The following LAMA5 variants were observed in gnomAD, a reference collection of about 807,000 sequenced individuals.
LAMA5 encodes the protein laminin subunit alpha-5.
In LAMA5, 260 loss-of-function variants were observed where a neutral mutation model predicts 433.4. That is an observed-to-expected ratio of 0.60 (90% CI 0.54 to 0.66). The LOEUF is 0.66. Ranked by LOEUF, LAMA5 falls within the 30% of genes least tolerant of loss-of-function variation. The probability of loss-of-function intolerance (pLI) is 0.00; values close to 1 mark genes in which losing one functional copy is unlikely to be tolerated. For missense variants in LAMA5, 5,378 were observed against 5,258.5 expected (o/e 1.02, Z -0.70); for synonymous variants, 2,620 against 2,226.6 (o/e 1.18, Z -4.97).
Position 62,318,846 on chromosome 20 carries a change from T to C in LAMA5, c.7039A>G (p.Arg2347Gly), listed in dbSNP as rs111438443. 11 of 1,609,890 alleles carry C rather than the reference T, an allele frequency of 6.8e-6. No individual in the cohort carries two copies. The highest frequency in any genetic ancestry group is 1.6e-4 in the Middle Eastern group (1 of 6,074). The change falls in exon 52 of 80, where the codon AGA (arginine) becomes GGA (glycine). Residue 2347 changes from arginine to glycine, a missense_variant. By Grantham distance (125) the Arg-to-Gly change is moderately radical. Coordinates refer to ENST00000252999, the MANE Select transcript of LAMA5 (RefSeq NM_005560.6). ...TGCCAGGGACAACACCACTCACATC[T>C]CTGTGCTGCAGCCAACTCAGCCTCA... ...AAEAELAAAQ[R>G]LLARVQEQLS...
Position 62,325,453 on chromosome 20 carries a change from G to A in LAMA5, c.5392C>T (p.Leu1798Phe), listed in dbSNP as rs985037612. Residue 1798 changes from leucine to phenylalanine, a missense_variant, in exon 41 of 80, where the codon CTC (leucine) becomes TTC (phenylalanine). Leu to Phe is a conservative substitution (Grantham distance 22). Transcript: ENST00000252999. ...ASLEQLQIRA[L>F]FSQISSAVFL... ...ACAGCCGAGGAGATCTGTGAGAAGA[G>A]GGCACGGATCTGCAGCTGCTCCAGG... The A allele has an allele frequency of 2.5e-6, 4 of 1,612,404 alleles. No individual in the cohort carries two copies. In the South Asian group the frequency reaches 3.3e-5, roughly 13 times the overall value.
intron 4 of LAMA5, 48 bp downstream of exon 4, chr20:62,352,194 C>T: frequency 6.4e-7 from 1 of 1,565,552 alleles, no homozygotes; most frequent in South Asian, 1.1e-5. Context: ...CCCCTACCCA[C>T]CTCTCCGTTC....
At position 62,326,739 on chromosome 20, in the gene LAMA5, A is replaced by T; in HGVS notation, c.5236T>A (p.Phe1746Ile). ...GGCGTGGGGTATGCCGGCTCCAGGA[A>T]TGTGATGCTCATCTGGTTGCCCTGG... The part of the protein sequence containing the change: ...VLQGNQMSIT[F>I]LEPAYPTPGH... The change falls in exon 40 of 80, where the codon TTC (phenylalanine) becomes ATC (isoleucine). Residue 1746 changes from phenylalanine to isoleucine, a missense_variant. Coordinates refer to ENST00000252999, the MANE Select transcript of LAMA5 (RefSeq NM_005560.6). The T allele has an allele frequency of 3.7e-6, 6 of 1,612,978 alleles. No individual in the cohort carries two copies. Among genetic ancestry groups the T allele is most frequent in the Non-Finnish European group, 5.1e-6 (6 of 1,179,894 alleles).
At chr20:62,337,481 C>A in intron 16 of LAMA5, 109 bp downstream of exon 16, 1 of 1,434,492 alleles carries the variant, frequency 7.0e-7, no homozygotes. Flanking sequence ...TCGCAGTACA[C>A]ACAGCAAGAT....
chr20:62,315,651 G>A (rs1180587558), intron 58 of LAMA5, among the ~76,000 whole-genome samples: 7 of 152,104 alleles, frequency 4.6e-5, no homozygotes, highest in African/African-American at 1.4e-4. Flanking sequence ...GCCCTCCTGG[G>A]TGCCCTTCCT....
rs752834302 is a variant in LAMA5, at chr20:62,326,636, G to A, written c.5298+41C>T. ...CTTCCGGCCTTCCCAGATGAGCTGA[G>A]GTCCATGAGGGACCTGGGTGCCCAA... On this transcript the variant is annotated intron_variant, in intron 40 of 79. Coordinates refer to ENST00000252999, the MANE Select transcript of LAMA5 (RefSeq NM_005560.6). The A allele has an allele frequency of 1.3e-5, 20 of 1,520,204 alleles. No homozygotes were observed. The East Asian group carries it at 4.3e-4, about 33-fold the overall frequency. The allele number at this position is 1,520,204 out of a possible 1,614,324, so 94.2% of individuals were successfully genotyped here.
In LAMA5 at chr20:62,333,121, T is replaced by A. The variant is rs199927330; in HGVS notation, c.3251A>T (p.His1084Leu). The change falls in exon 26 of 80, where the codon CAC becomes CTC. Residue 1084 changes from histidine to leucine, a missense_variant. Physicochemically the swap from His to Leu is moderately conservative, Grantham distance 99. Transcript: ENST00000252999. ...GCCCGTGCAGGTGATCAGTGGCGGG[T>A]GCGACGGGCTGAGCTGCTCCGTGGG... ...PCPTEQLSPS[H>L]PPLITCTGSD... 4 of 1,457,850 alleles carry A rather than the reference T, an allele frequency of 2.7e-6. No homozygotes were observed. In the East Asian group the frequency reaches 7.5e-5, roughly 27 times the overall value. 90.3% of individuals were successfully genotyped at this position (1,457,850 alleles called of 1,614,324 possible).
At chr20:62,365,959 T>C (rs920384090) in intron 1 of LAMA5, among the ~76,000 whole-genome samples, 13 of 152,146 alleles carry the variant, frequency 8.5e-5, no homozygotes, top group African/African-American at 3.1e-4. Context: ...CATAACGTCT[T>C]GCTCCAGGGC....
intron 70 of LAMA5, 38 bp downstream of exon 70, chr20:62,311,882 C>A: frequency 6.3e-7 from 1 of 1,590,812 alleles, no homozygotes. Context: ...GGGCGTCCCT[C>A]CAGACCTTCA....
intron 72 of LAMA5, 28 bp downstream of exon 72, chr20:62,311,373 T>C: frequency 6.5e-7 from 1 of 1,531,692 alleles, no homozygotes; most frequent in Non-Finnish European, 8.8e-7. Flanking sequence ...CCACCCCAGC[T>C]CTGCCTGCTC....
Position 62,311,984 on chromosome 20 carries a change from T to C in LAMA5, c.9571A>G (p.Lys3191Glu). The change falls in exon 70 of 80, where the codon AAA becomes GAA. Residue 3191 changes from lysine (K) to glutamate (E), a missense_variant. Transcript: ENST00000252999. ...VSLQLLRTEV[K>E]TQAGFADGAP... The stretch of plus-strand genomic sequence containing the variant: ...CCATCGGCGAAGCCCGCTTGAGTTT[T>C]CACTTCAGTCCTCAGGAGCTGTAGG... 2 of 1,612,708 alleles carry C rather than the reference T, an allele frequency of 1.2e-6. No individual in the cohort carries two copies. The highest frequency in any genetic ancestry group is 1.7e-6 in the Non-Finnish European group (2 of 1,179,908).
chr20:62,317,062 A>C, intron 55 of LAMA5, 39 bp from the exon 56 acceptor site: 4 of 1,496,324 alleles, frequency 2.7e-6, no homozygotes, highest in Non-Finnish European at 3.6e-6. Flanking sequence ...GGGTAAGCGC[A>C]GACGCCCTCG....
In LAMA5 at chr20:62,346,498, C is replaced by A; in HGVS notation, c.1282+8G>T. 1 of 1,550,212 alleles carries A rather than the reference C, an allele frequency of 6.5e-7. No individual in the cohort carries two copies. Among genetic ancestry groups the A allele is most frequent in the Non-Finnish European group, 8.7e-7 (1 of 1,146,370 alleles). On this transcript the variant is annotated splice_region_variant and intron_variant, in intron 9 of 79. Transcript: ENST00000252999. ...ACCCAGGACACCCGCCCAGCTGAGC[C>A]CACTCACGGCGGCAGACGTGGGGCG...
rs545526187 is a variant in LAMA5, at chr20:62,346,030, G to A, written c.1417+51C>T. ...CCCCTCCACCCCCTGCAGGGCTCCCGGAGTCCAGCAGGCAGTGGTGTCTGT... is the reference window on the plus strand; with the variant it reads ...CCCCTCCACCCCCTGCAGGGCTCCCAGAGTCCAGCAGGCAGTGGTGTCTGT... On this transcript the variant is annotated intron_variant, in intron 10 of 79. Transcript: ENST00000252999. The A allele has an allele frequency of 1.1e-4, 180 of 1,606,736 alleles. 1 individual carries two copies. In the South Asian group the frequency reaches 1.7e-3, roughly 15 times the overall value.
chr20:62,346,382 G>A (rs1983370098), intron 9 of LAMA5, 124 bp downstream of exon 9: 3 of 1,355,326 alleles, frequency 2.2e-6, no homozygotes, highest in Admixed American at 4.4e-5. Flanking sequence ...GGCCTGGGAG[G>A]CTCCTTCCTG....
At chr20:62,314,208 G>A (rs370151258) in intron 62 of LAMA5, 96 bp downstream of exon 62, 5 of 1,451,790 alleles carry the variant, frequency 3.4e-6, no homozygotes, top group Non-Finnish European at 3.8e-6. Context: ...GCATGGAGAG[G>A]TGAAGGGTGG....
chr20:62,332,451 G>A lies in LAMA5; in HGVS notation c.3473C>T (p.Thr1158Ile). The A allele has an allele frequency of 3.7e-6, 6 of 1,612,742 alleles. No homozygotes were observed. The highest frequency in any genetic ancestry group is 5.1e-6 in the Non-Finnish European group (6 of 1,179,958). Residue 1158 changes from threonine to isoleucine, a missense_variant, in exon 28 of 80, where the codon ACC becomes ATC. Transcript: ENST00000252999. ...STLCRGTARD[T>I]QDHLAVFHLD... ...GTGGAAGACAGCCAGGTGGTCCTGGGTATCCCGGGCAGTGCCCCGGCACAG... is the reference window on the plus strand; with the variant it reads ...GTGGAAGACAGCCAGGTGGTCCTGGATATCCCGGGCAGTGCCCCGGCACAG...
At position 62,313,474 on chromosome 20, in the gene LAMA5, G is replaced by T; in HGVS notation, c.8659-14C>A. 1 of 1,592,824 alleles carries T rather than the reference G, an allele frequency of 6.3e-7. No homozygotes were observed. Among genetic ancestry groups the T allele is most frequent in the East Asian group, 2.2e-5 (1 of 44,602 alleles). ...CAGGGGAGGGGGCTGTGGGCACAGG[G>T]CTGGGTCAGGGCACCTGGCCTGAGG... On this transcript the variant is annotated splice_polypyrimidine_tract_variant and intron_variant, in intron 63 of 79. Coordinates refer to ENST00000252999, the MANE Select transcript of LAMA5 (RefSeq NM_005560.6).
Position 62,325,422 on chromosome 20 carries a change from A to C in LAMA5, c.5423T>G (p.Leu1808Arg). Residue 1808 changes from leucine (L) to arginine (R), a missense_variant, in exon 41 of 80, where the codon CTG (leucine) becomes CGG (arginine). Transcript: ENST00000252999. ...LFSQISSAVF[L>R]RRVALEVASP... ...GGCCACCTCCAGTGCCACCCTGCGC[A>C]GGAAGACAGCCGAGGAGATCTGTGA... 6.2e-7 allele frequency: 1 copy of C among 1,612,298 alleles called. No individual in the cohort carries two copies. The highest frequency in any genetic ancestry group is 8.5e-7 in the Non-Finnish European group (1 of 1,179,492).
Sources: gnomAD v4.1 joint callset for allele counts (sites outside exome capture counted in the v4.1 genomes callset) on GRCh38, gnomAD v4.1.1 for gene constraint, MANE v1.5 for transcripts, NCBI Gene and HGNC (gene_info 2026-07-23, HGNC 2026-07-21) for gene names.